CTNNA2: variants seen among roughly 807,000 people sequenced by gnomAD.
CTNNA2 encodes the protein catenin alpha 2, also known as catenin alpha-2.
In CTNNA2, 42 loss-of-function variants were observed where a neutral mutation model predicts 101.0. The observed-to-expected ratio is 0.42, with a 90% CI of 0.32 to 0.54. CTNNA2 has a LOEUF of 0.54. Among genes scored for constraint, CTNNA2 ranks in the 20% least tolerant of loss-of-function variants. The pLI, the probability that CTNNA2 is intolerant of heterozygous loss-of-function variation, is 0.14. For missense variants in CTNNA2, 871 were observed against 1,223.1 expected, an observed-to-expected ratio of 0.71 and a Z score of 4.29; for synonymous variants, 450 against 456.4, an observed-to-expected ratio of 0.99 and a Z score of 0.18.
At chr2:79,654,456 A>G (rs924689513) in intron 2 of CTNNA2, among the ~76,000 whole-genome samples, 5 of 152,116 alleles carry the variant, frequency 3.3e-5, no homozygotes, top group Non-Finnish European at 7.4e-5. Context: ...ACCTTCTTCC[A>G]TTTTAGAGCC....
intron 7 of CTNNA2, among the ~76,000 whole-genome samples, chr2:80,346,132 A>G (rs773008478): frequency 7.9e-5 from 12 of 152,368 alleles, no homozygotes; most frequent in East Asian, 5.8e-4. Flanking sequence ...TTTCGCTAGC[A>G]TAATTTTACA....
intron 4 of CTNNA2, among the ~76,000 whole-genome samples, chr2:79,421,845 T>C (rs1224324350): frequency 6.6e-6 from 1 of 152,064 alleles, no homozygotes; most frequent in Non-Finnish European, 1.5e-5. Context: ...TATACGTAAT[T>C]TTTTCTTACT....
intron 3 of CTNNA2, among the ~76,000 whole-genome samples, chr2:79,784,411 G>A (rs893910946): frequency 5.3e-5 from 8 of 151,038 alleles, no homozygotes; most frequent in Admixed American, 4.0e-4. Context: ...GCTCTACCCT[G>A]GTGACTCTTG....
intron 18 of CTNNA2, among the ~76,000 whole-genome samples, chr2:80,622,340 A>T (rs1376865110): frequency 6.6e-6 from 1 of 151,874 alleles, no homozygotes; most frequent in African/African-American, 2.4e-5. Context: ...TAGCTTGGAG[A>T]TATTCTGGTA....
intron 6 of CTNNA2, among the ~76,000 whole-genome samples, chr2:79,879,426 C>T (rs1385807178): frequency 1.3e-5 from 2 of 152,114 alleles, no homozygotes; most frequent in Admixed American, 6.6e-5. Flanking sequence ...GCCATTTTCA[C>T]AATGCTGATT....
chr2:80,094,425 A>G (rs1353701529), intron 7 of CTNNA2, among the ~76,000 whole-genome samples: 1 of 152,038 alleles, frequency 6.6e-6, no homozygotes, highest in Non-Finnish European at 1.5e-5. Flanking sequence ...AGTATAGTTT[A>G]AAGTCAGGTA....
At position 79,547,737 on chromosome 2, in the gene CTNNA2, G is replaced by A. The variant is rs1573312345; in HGVS notation, c.-6+34530G>A. ...AGGACTATCACTGAGTTTGTCTCTG[G>A]TATGATTTCTTTCAAGTCTAATGAA... On this transcript the variant is annotated intron_variant, in intron 1 of 18. Coordinates refer to ENST00000402739, the MANE Select transcript of CTNNA2 (RefSeq NM_001282597.3). 2.0e-5 allele frequency: 3 copies of A among 152,188 alleles called. No homozygotes were observed. In the South Asian group the frequency reaches 6.2e-4, roughly 32 times the overall value. The allele number at this position is 152,188 out of a possible 1,614,324, so 9.4% of individuals were successfully genotyped here.
chr2:80,388,615 A>C (rs1485157230), intron 7 of CTNNA2, among the ~76,000 whole-genome samples: 5 of 152,194 alleles, frequency 3.3e-5, no homozygotes, highest in African/African-American at 9.7e-5. Context: ...TGGCCAGGTC[A>C]CTTAGGTGGT....
intron 7 of CTNNA2, among the ~76,000 whole-genome samples, chr2:79,972,915 C>G (rs1690586493): frequency 6.6e-6 from 1 of 152,116 alleles, no homozygotes; most frequent in African/African-American, 2.4e-5. Flanking sequence ...AAGCTTTTAG[C>G]TCCTCTCTGC....
intron 3 of CTNNA2, among the ~76,000 whole-genome samples, chr2:79,768,340 A>G (rs1261099903): frequency 6.6e-6 from 1 of 151,048 alleles, no homozygotes; most frequent in African/African-American, 2.4e-5. Flanking sequence ...TGTATGATTG[A>G]AGGAGGCACT....
At chr2:80,356,641 GGGGAAAT>G (rs1410634322) in intron 7 of CTNNA2, among the ~76,000 whole-genome samples, 2 of 151,998 alleles carry the variant, frequency 1.3e-5, no homozygotes, top group Non-Finnish European at 2.9e-5. Flanking sequence ...ATAATAGAGG[GGGGAAAT>G]GGAAACAGTA....
chr2:79,493,370 C>T (rs1392347376), intron 4 of CTNNA2, among the ~76,000 whole-genome samples: 1 of 152,154 alleles, frequency 6.6e-6, no homozygotes, highest in Non-Finnish European at 1.5e-5. Context: ...GTAATCCCAG[C>T]ACTTTGGAAG....
intron 7 of CTNNA2, among the ~76,000 whole-genome samples, chr2:80,131,586 A>G (rs564916262): frequency 4.6e-5 from 7 of 152,342 alleles, no homozygotes; most frequent in Non-Finnish European, 7.3e-5. Flanking sequence ...ACTAAAGAGC[A>G]TAGCTCTCTA....
At chr2:80,532,126 G>A (rs1690597050) in intron 9 of CTNNA2, among the ~76,000 whole-genome samples, 1 of 152,126 alleles carries the variant, frequency 6.6e-6, no homozygotes, top group South Asian at 2.1e-4. Flanking sequence ...AGAGTTTAAG[G>A]AAAAAACTCC....
chr2:80,399,239 C>T (rs1417063558), intron 8 of CTNNA2, among the ~76,000 whole-genome samples: 1 of 151,988 alleles, frequency 6.6e-6, no homozygotes, highest in Non-Finnish European at 1.5e-5. Flanking sequence ...ATAAAACAAC[C>T]CTAAATGTCA....
intron 6 of CTNNA2, among the ~76,000 whole-genome samples, chr2:79,886,314 A>C (rs565385457): frequency 6.6e-6 from 1 of 152,278 alleles, no homozygotes; most frequent in Admixed American, 6.5e-5. Flanking sequence ...TAAAGCCTGC[A>C]TAAAGTGATT....
intron 2 of CTNNA2, among the ~76,000 whole-genome samples, chr2:79,261,426 G>A (rs963254173): frequency 6.6e-6 from 1 of 152,232 alleles, no homozygotes; most frequent in African/African-American, 2.4e-5. Context: ...CACATATTAA[G>A]ATGCAAAGTT....
At chr2:80,598,532 A>G (rs1205943775) in intron 15 of CTNNA2, among the ~76,000 whole-genome samples, 1 of 152,170 alleles carries the variant, frequency 6.6e-6, no homozygotes, top group African/African-American at 2.4e-5. Flanking sequence ...GCTCTCAGAC[A>G]TTTATCCAGA....
At chr2:79,894,469 G>A (rs1164387764) in intron 6 of CTNNA2, among the ~76,000 whole-genome samples, 5 of 151,972 alleles carry the variant, frequency 3.3e-5, no homozygotes, top group South Asian at 2.1e-4. Flanking sequence ...GTACCAAATC[G>A]TTTCCGTAGG....
Sources: gnomAD v4.1 joint callset for allele counts (sites outside exome capture counted in the v4.1 genomes callset) on GRCh38, gnomAD v4.1.1 for gene constraint, MANE v1.5 for transcripts, NCBI Gene and HGNC (gene_info 2026-07-23, HGNC 2026-07-21) for gene names.